SLC6A13: variants seen among roughly 807,000 people sequenced by gnomAD.
SLC6A13 encodes the protein solute carrier family 6 member 13, also known as sodium- and chloride-dependent GABA transporter 2.
A neutral mutation model predicts 72.9 loss-of-function variants in SLC6A13; 69 were observed. That is an observed-to-expected ratio of 0.95 (90% confidence interval 0.78 to 1.16). The LOEUF (loss-of-function observed/expected upper bound fraction) is 1.16, where lower values mean the gene tolerates loss of function less well. Among genes scored for constraint, SLC6A13 ranks in the 50% most tolerant of loss-of-function variants. The probability of loss-of-function intolerance (pLI) is 0.00; values close to 1 mark genes in which losing one functional copy is unlikely to be tolerated. For missense variants in SLC6A13, 735 were observed against 760.5 expected, an observed-to-expected ratio of 0.97 and a Z score of 0.39; for synonymous variants, 303 against 303.0, an observed-to-expected ratio of 1.00 and a Z score of 0.00.
chr12:221,740 C>T (rs1262702483), intron 13 of SLC6A13, among the ~76,000 whole-genome samples, 194 bp from the exon 14 acceptor site: 23 of 152,216 alleles, frequency 1.5e-4, no homozygotes, highest in Admixed American at 1.5e-3. Context: ...TGTACTCTGT[C>T]ACTCCAGGGC....
chr12:229,144 T>C (rs1296308030), intron 7 of SLC6A13, among the ~76,000 whole-genome samples: 2 of 151,904 alleles, frequency 1.3e-5, no homozygotes, highest in African/African-American at 2.4e-5. Context: ...AGAGGAGGAT[T>C]TGGAGGGGCT....
At position 237,157 on chromosome 12, in the gene SLC6A13, C is replaced by A. The variant is rs1437616349; in HGVS notation, c.696+1G>T. 10 of 1,613,970 alleles carry A rather than the reference C, an allele frequency of 6.2e-6. No individual in the cohort carries two copies. Among genetic ancestry groups the A allele is most frequent in the African/African-American group, 2.7e-5 (2 of 75,024 alleles). ...GAGGGGCAGGAGCTCCCCACACGAACCTTGCCTGTGGACTTCACCCCCTTC... is the reference window on the plus strand; with the variant it reads ...GAGGGGCAGGAGCTCCCCACACGAAACTTGCCTGTGGACTTCACCCCCTTC... On this transcript the variant is annotated splice_donor_variant, in intron 6 of 14. Coordinates refer to ENST00000343164, the MANE Select transcript of SLC6A13 (RefSeq NM_016615.5). LOFTEE classifies it high-confidence loss of function.
chr12:259,700 T>C, intron 2 of SLC6A13, 151 bp downstream of exon 2: 1 of 1,536,346 alleles, frequency 6.5e-7, no homozygotes, highest in Non-Finnish European at 8.8e-7. Flanking sequence ...GGTCTTAGTC[T>C]CTTACAGAGT....
chr12:245,607 G>C (rs1293483213), intron 2 of SLC6A13, among the ~76,000 whole-genome samples: 1 of 152,006 alleles, frequency 6.6e-6, no homozygotes, highest in Admixed American at 6.6e-5. Context: ...TTGAACCTGG[G>C]AGGCAGAGGT....
Position 259,948 on chromosome 12 carries a change from C to T in SLC6A13, c.105G>A (p.Trp35Ter), listed in dbSNP as rs754616638. 1.6e-5 allele frequency: 26 copies of T among 1,614,102 alleles called. No homozygotes were observed. Among genetic ancestry groups the T allele is most frequent in the African/African-American group, 2.7e-5 (2 of 74,926 alleles). Residue 35 changes from tryptophan to a stop codon, truncating the protein, a stop_gained, in exon 2 of 15, where the codon TGG (tryptophan) becomes TGA (stop). Transcript: ENST00000343164. LOFTEE classifies it high-confidence loss of function. ...ACAGCACAAACTCCATCTTGTTGTT[C>T]CAGTGCCCCCGCTCCAGGGTGCCAT... ...EEDGTLERGH[W>*]NNKMEFVLSV...
chr12:252,407 A>G (rs1053400225), intron 2 of SLC6A13, among the ~76,000 whole-genome samples: 2 of 152,244 alleles, frequency 1.3e-5, no homozygotes, highest in Non-Finnish European at 2.9e-5. Flanking sequence ...GGACATGTTT[A>G]CTATCTCAAT....
rs542384997 is a variant in SLC6A13 at position 237,682 on chromosome 12, C to A, written c.563+244G>T. 2.0e-5 allele frequency among the ~76,000 whole-genome samples: 3 copies of A among 152,084 alleles called. 1 individual carries two copies. The highest frequency in any genetic ancestry group is 7.2e-5 in the African/African-American group (3 of 41,384). Reference sequence around the variant, plus strand: ...TGCGGAGTGAGAGCACATATGCACACACACTCTCTAACACGGGGCGGGGGT... The same window carrying A: ...TGCGGAGTGAGAGCACATATGCACAAACACTCTCTAACACGGGGCGGGGGT... On this transcript the variant is annotated intron_variant, in intron 5 of 14. Transcript: ENST00000343164.
rs1456792212 is a variant in SLC6A13 at position 240,151 on chromosome 12, T to C, written c.479-2141A>G. ...GGTGGTCTCAGTACACATAGATATT[T>C]AAAAAAATAAAAAGGAAGAAAAGAA... On this transcript the variant is annotated intron_variant, in intron 4 of 14. Transcript: ENST00000343164. 2.0e-5 allele frequency among the ~76,000 whole-genome samples: 3 copies of C among 152,006 alleles called. No individual in the cohort carries two copies. In the East Asian group the frequency reaches 5.8e-4, roughly 29 times the overall value.
intron 13 of SLC6A13, among the ~76,000 whole-genome samples, chr12:222,296 T>C (rs978219521): frequency 2.6e-5 from 4 of 152,232 alleles, no homozygotes; most frequent in African/African-American, 9.6e-5. Flanking sequence ...AGACTCACAC[T>C]GTGGTGTTGG....
At chr12:240,101 ACTGT>A in intron 4 of SLC6A13, among the ~76,000 whole-genome samples, 1 of 152,334 alleles carries the variant, frequency 6.6e-6, no homozygotes, top group East Asian at 1.9e-4. Context: ...TAAAATCTTT[ACTGT>A]CTGACAGGCT....
At chr12:241,699 T>C (rs1420697077) in intron 4 of SLC6A13, among the ~76,000 whole-genome samples, 1 of 152,226 alleles carries the variant, frequency 6.6e-6, no homozygotes, top group Non-Finnish European at 1.5e-5. Flanking sequence ...GCAAAGAACA[T>C]TTTCATCATT....
chr12:231,837 A>G (rs1565493681), intron 7 of SLC6A13, among the ~76,000 whole-genome samples: 1 of 152,340 alleles, frequency 6.6e-6, no homozygotes, highest in East Asian at 1.9e-4. Flanking sequence ...GATCCGGCAC[A>G]TAGTAGGTGC....
Position 235,086 on chromosome 12 carries a change from T to C in SLC6A13, c.831+4A>G, listed in dbSNP as rs1458887897. On this transcript the variant is annotated splice_donor_region_variant and intron_variant, in intron 7 of 14. Coordinates refer to ENST00000343164, the MANE Select transcript of SLC6A13 (RefSeq NM_016615.5). ...CGTGAGGGCTCCTGTCTGTGGCTTC[T>C]TACCTGGGGATCCCACAGACGCGTG... 2 of 1,614,052 alleles carry C rather than the reference T, an allele frequency of 1.2e-6. No individual in the cohort carries two copies. Among genetic ancestry groups the C allele is most frequent in the Non-Finnish European group, 1.7e-6 (2 of 1,180,012 alleles).
intron 2 of SLC6A13, among the ~76,000 whole-genome samples, chr12:250,072 A>T (rs1942484231): frequency 6.6e-6 from 1 of 152,158 alleles, no homozygotes; most frequent in Non-Finnish European, 1.5e-5. Context: ...GGTACAGTAA[A>T]GTATTTGACT....
intron 1 of SLC6A13, among the ~76,000 whole-genome samples, chr12:262,281 A>G (rs578107114): frequency 1.3e-5 from 2 of 152,340 alleles, no homozygotes; most frequent in African/African-American, 2.4e-5. Context: ...AGGTTCAAAC[A>G]TTAGTTTTTT....
At chr12:227,520 T>C in intron 8 of SLC6A13, 45 bp downstream of exon 8, 1 of 1,611,270 alleles carries the variant, frequency 6.2e-7, no homozygotes. Context: ...GGAAGGACAG[T>C]AGAGAGATGC....
Position 254,460 on chromosome 12 carries a change from G to T in SLC6A13, c.202+5391C>A, listed in dbSNP as rs1168615451. On this transcript the variant is annotated intron_variant, in intron 2 of 14. Transcript: ENST00000343164. This position sits in a 1 kb window ranked among gnomAD's most constrained non-coding sequence, Gnocchi z 4.4. ...CGCTCTTATCATCAATGACTTCCCA[G>T]CTGCTAAAACCAACAATCAATTTCC... Among the ~76,000 whole-genome samples, 1 of 152,146 alleles carries T rather than the reference G, an allele frequency of 6.6e-6. No homozygotes were observed. The highest frequency in any genetic ancestry group is 1.5e-5 in the Non-Finnish European group (1 of 68,030).
chr12:229,537 C>T (rs192686903), intron 7 of SLC6A13, among the ~76,000 whole-genome samples: 5 of 152,274 alleles, frequency 3.3e-5, no homozygotes, highest in Admixed American at 2.0e-4. Context: ...GGCAAAAGGC[C>T]CTGAGCTTAT....
At chr12:243,534 T>C in intron 3 of SLC6A13, 145 bp downstream of exon 3, 1 of 745,902 alleles carries the variant, frequency 1.3e-6, no homozygotes, top group East Asian at 2.7e-5. Flanking sequence ...ACTAGCTCAG[T>C]ATGCAGCCCA....
Sources: gnomAD v4.1 joint callset for allele counts (sites outside exome capture counted in the v4.1 genomes callset) on GRCh38, gnomAD v4.1.1 for gene constraint, Gnocchi (gnomAD v3.1) non-coding constraint, MANE v1.5 for transcripts, NCBI Gene and HGNC (gene_info 2026-07-23, HGNC 2026-07-21) for gene names.